Variants in CACNA2D1 observed in about 807,000 individuals in gnomAD.
CACNA2D1 encodes calcium voltage-gated channel auxiliary subunit alpha2delta 1.
A neutral mutation model predicts 171.5 loss-of-function variants in CACNA2D1; 53 were observed. The ratio of observed to expected loss-of-function variants is 0.31; its 90% confidence interval spans 0.25 to 0.39. The LOEUF is 0.39. Ranked by LOEUF, CACNA2D1 falls within the 10% of genes least tolerant of loss-of-function variation. The pLI, the probability that CACNA2D1 is intolerant of heterozygous loss-of-function variation, is 1.00. For missense variants in CACNA2D1, 903 were observed against 1,299.8 expected, an observed-to-expected ratio of 0.69 and a Z score of 4.69; for synonymous variants, 442 against 443.1, an observed-to-expected ratio of 1.00 and a Z score of 0.03.
Position 82,001,401 on chromosome 7 carries a change from G to A in CACNA2D1, c.1590+4022C>T, listed in dbSNP as rs1017472387. On this transcript the variant is annotated intron_variant, in intron 18 of 38. Transcript: ENST00000356860. ...CAAATTTATTTTTAGAAGCCATCTC[G>A]TTATGATTTCTCTGATTATTAACTT... Among the ~76,000 whole-genome samples the A allele has an allele frequency of 2.6e-5, 4 of 152,084 alleles. No individual in the cohort carries two copies. In the South Asian group the frequency reaches 6.2e-4, roughly 24 times the overall value.
intron 6 of CACNA2D1, among the ~76,000 whole-genome samples, chr7:82,114,515 C>T (rs1463180091): frequency 2.6e-5 from 4 of 151,970 alleles, no homozygotes; most frequent in Admixed American, 6.6e-5. Context: ...GAGGCCAAGG[C>T]GGGTGGATCA....
At chr7:82,386,900 AT>A (rs964151388) in intron 1 of CACNA2D1, among the ~76,000 whole-genome samples, 1 of 151,966 alleles carries the variant, frequency 6.6e-6, no homozygotes, top group African/African-American at 2.4e-5. Context: ...TATTGTAAAA[AT>A]ATACTATAAT....
chr7:82,174,622 T>G (rs1392509096), intron 3 of CACNA2D1, among the ~76,000 whole-genome samples: 1 of 152,052 alleles, frequency 6.6e-6, no homozygotes. Flanking sequence ...AGAGTATATA[T>G]GAAGACAGAG....
chr7:82,409,008 G>A (rs1240337673), intron 1 of CACNA2D1, among the ~76,000 whole-genome samples: 1 of 151,876 alleles, frequency 6.6e-6, no homozygotes, highest in African/African-American at 2.4e-5. Context: ...GACCTCATGA[G>A]CCCAGAGTTG....
At position 82,041,018 on chromosome 7, in the gene CACNA2D1, G is replaced by A. The variant is rs145294357; in HGVS notation, c.880-2783C>T. Among the ~76,000 whole-genome samples, 1,223 of 136,812 alleles carry A rather than the reference G, an allele frequency of 8.9e-3. 7 individuals are homozygous for A. The highest frequency in any genetic ancestry group is 0.013 in the Non-Finnish European group (873 of 64,762). The allele number at this position is 136,812 out of a possible 152,430, so 89.8% of individuals were successfully genotyped here. ...CAAAACAAACAAAAAAATGCCTGGT[G>A]AACTCATCCACATTATGTAGGCAGC... is the stretch of plus-strand genomic sequence containing the variant. On this transcript the variant is annotated intron_variant, in intron 10 of 38. Coordinates refer to ENST00000356860, the MANE Select transcript of CACNA2D1 (RefSeq NM_000722.4).
intron 1 of CACNA2D1, among the ~76,000 whole-genome samples, chr7:82,439,237 CATT>C (rs1304557313): frequency 6.6e-6 from 1 of 151,888 alleles, no homozygotes; most frequent in Non-Finnish European, 1.5e-5. Context: ...TTTCTCAATG[CATT>C]ATTGTTTATG....
chr7:82,442,669 T>C (rs1436741447), intron 1 of CACNA2D1, among the ~76,000 whole-genome samples: 2 of 152,188 alleles, frequency 1.3e-5, no homozygotes, highest in Non-Finnish European at 2.9e-5. Context: ...AGTCCCTCCT[T>C]CAAAGAATAG....
At chr7:82,402,139 C>A (rs534971190) in intron 1 of CACNA2D1, among the ~76,000 whole-genome samples, 1 of 152,194 alleles carries the variant, frequency 6.6e-6, no homozygotes, top group African/African-American at 2.4e-5. Flanking sequence ...AAGAAATCAT[C>A]TGAATTCTGA....
chr7:81,946,811 CTG>C lies in CACNA2D1; in HGVS notation c.*3579_*3580del, dbSNP rs547205070. ...TTAGTTTCAGTGGAATTTGAGATAA[CTG>C]TGTGAACTAGAAATAAGGTAGATGA... On this transcript the variant is annotated 3_prime_UTR_variant, in exon 39 of 39. Coordinates refer to ENST00000356860, the MANE Select transcript of CACNA2D1 (RefSeq NM_000722.4). The C allele has an allele frequency of 2.1e-4, 32 of 152,134 alleles. No individual in the cohort carries two copies. The highest frequency in any genetic ancestry group is 7.7e-4 in the African/African-American group (32 of 41,562). The allele number at this position is 152,134 out of a possible 1,614,324, so 9.4% of individuals were successfully genotyped here.
intron 18 of CACNA2D1, among the ~76,000 whole-genome samples, chr7:82,002,224 C>G (rs1489555314): frequency 6.6e-6 from 1 of 151,906 alleles, no homozygotes; most frequent in Admixed American, 6.6e-5. Context: ...GGACTGGTGC[C>G]CTTGTAAAAG....
chr7:82,267,812 GT>G (rs1294949743), intron 3 of CACNA2D1, among the ~76,000 whole-genome samples: 1 of 152,112 alleles, frequency 6.6e-6, no homozygotes, highest in Non-Finnish European at 1.5e-5. Flanking sequence ...GGCTAACACG[GT>G]GAAACCCCGT....
chr7:82,196,521 A>T (rs1449513576), intron 3 of CACNA2D1, among the ~76,000 whole-genome samples: 1 of 152,032 alleles, frequency 6.6e-6, no homozygotes, highest in Non-Finnish European at 1.5e-5. Context: ...AAAAGATTCA[A>T]GAAATACTAA....
chr7:82,433,141 T>C (rs905942226), intron 1 of CACNA2D1, among the ~76,000 whole-genome samples: 1 of 149,876 alleles, frequency 6.7e-6, no homozygotes, highest in East Asian at 2.0e-4. Context: ...TGAGCTGAGA[T>C]CACACCACTG....
At chr7:82,004,027 G>A (rs1427959728) in intron 18 of CACNA2D1, among the ~76,000 whole-genome samples, 3 of 152,274 alleles carry the variant, frequency 2.0e-5, no homozygotes, top group East Asian at 1.9e-4. Context: ...TTACAGGCAT[G>A]AGCCGCCACG....
At chr7:82,319,346 A>G (rs1240673998) in intron 3 of CACNA2D1, among the ~76,000 whole-genome samples, 2 of 152,212 alleles carry the variant, frequency 1.3e-5, no homozygotes, top group Non-Finnish European at 2.9e-5. Context: ...TAACAAAGAC[A>G]TCAAAAATTA....
chr7:82,106,085 C>G (rs1265969394), intron 6 of CACNA2D1, among the ~76,000 whole-genome samples: 1 of 152,148 alleles, frequency 6.6e-6, no homozygotes, highest in Non-Finnish European at 1.5e-5. Flanking sequence ...AACCCGGTAT[C>G]TTTAAAGTCT....
At chr7:82,329,778 A>G (rs1046833044) in intron 3 of CACNA2D1, among the ~76,000 whole-genome samples, 3 of 152,150 alleles carry the variant, frequency 2.0e-5, no homozygotes, top group Non-Finnish European at 2.9e-5. Context: ...ATGTCAGAAA[A>G]AAAAGTCATT....
At chr7:82,045,500 T>C (rs1320535282) in intron 10 of CACNA2D1, among the ~76,000 whole-genome samples, 1 of 152,152 alleles carries the variant, frequency 6.6e-6, no homozygotes, top group African/African-American at 2.4e-5. Flanking sequence ...ATAGTCATGG[T>C]GGAATTTAGT....
intron 27 of CACNA2D1, 116 bp downstream of exon 27, chr7:81,970,559 T>A (rs886089586): frequency 6.5e-5 from 48 of 742,386 alleles, no homozygotes; most frequent in Non-Finnish European, 1.1e-4. Flanking sequence ...ATGGCTCCAA[T>A]GTAATCTAAT....
Sources: gnomAD v4.1 joint callset for allele counts (sites outside exome capture counted in the v4.1 genomes callset) on GRCh38, gnomAD v4.1.1 for gene constraint, MANE v1.5 for transcripts, NCBI Gene and HGNC (gene_info 2026-07-23, HGNC 2026-07-21) for gene names.